DLG2: variants seen among roughly 807,000 people sequenced by gnomAD.
DLG2 encodes the protein disks large homolog 2.
DLG2 carries 45 observed loss-of-function variants against 132.5 expected under a neutral mutation model. The observed-to-expected ratio is 0.34, with a 90% CI of 0.27 to 0.44. The LOEUF (loss-of-function observed/expected upper bound fraction) is 0.44, where lower values mean the gene tolerates loss of function less well. DLG2 is among the 20% of genes least tolerant of loss of function. The pLI is 1.00. For missense variants in DLG2, 1,045 were observed against 1,196.9 expected, an observed-to-expected ratio of 0.87 and a Z score of 1.87; for synonymous variants, 424 against 419.6, an observed-to-expected ratio of 1.01 and a Z score of -0.13.
intron 6 of DLG2, among the ~76,000 whole-genome samples, chr11:85,043,703 T>C (rs530972418): frequency 6.6e-6 from 1 of 152,070 alleles, no homozygotes; most frequent in South Asian, 2.1e-4. Flanking sequence ...AAATTGTTTT[T>C]AATGAAATAC....
intron 21 of DLG2, among the ~76,000 whole-genome samples, chr11:83,507,971 G>A (rs74238644): frequency 1.3e-5 from 2 of 151,320 alleles, no homozygotes; most frequent in Non-Finnish European, 2.9e-5. Flanking sequence ...AGTCTGGGAG[G>A]TTAGGCCAGT....
intron 3 of DLG2, among the ~76,000 whole-genome samples, chr11:85,344,785 C>A (rs1475310715): frequency 6.6e-6 from 1 of 151,754 alleles, no homozygotes; most frequent in Admixed American, 6.6e-5. Context: ...AGTTGGATTT[C>A]CCTTAAACAT....
rs931857574 is a variant in DLG2 at position 83,457,018 on chromosome 11, A to G, written c.*2800T>C. 2.0e-5 allele frequency: 3 copies of G among 152,664 alleles called. No homozygotes were observed. The highest frequency in any genetic ancestry group is 2.9e-5 in the Non-Finnish European group (2 of 68,048). The allele number at this position is 152,664 out of a possible 1,614,324, so 9.5% of individuals were successfully genotyped here. The stretch of plus-strand genomic sequence containing the variant: ...GACAAATGGAATTTTGATTTTGGTA[A>G]AGCTGAGACCCCCGTGGTGCTACAC... On this transcript the variant is annotated 3_prime_UTR_variant, in exon 28 of 28. Coordinates refer to ENST00000376104, the MANE Select transcript of DLG2 (RefSeq NM_001142699.3).
At chr11:85,015,840 T>G (rs929805228) in intron 6 of DLG2, among the ~76,000 whole-genome samples, 7 of 152,130 alleles carry the variant, frequency 4.6e-5, no homozygotes, top group African/African-American at 1.4e-4. Context: ...TAATCTTAAA[T>G]TCAAACTCTT....
chr11:85,266,657 T>C (rs1436162961), intron 4 of DLG2, among the ~76,000 whole-genome samples: 3 of 152,136 alleles, frequency 2.0e-5, no homozygotes, highest in Admixed American at 6.5e-5. Context: ...CCTGCATCAA[T>C]ACAATGCAGT....
chr11:84,335,237 A>C (rs558742768), intron 7 of DLG2, among the ~76,000 whole-genome samples: 44 of 150,304 alleles, frequency 2.9e-4, no homozygotes, highest in African/African-American at 1.1e-3. Context: ...GGAATGAAGG[A>C]AGGGAAGGAA....
intron 22 of DLG2, among the ~76,000 whole-genome samples, chr11:83,477,437 T>G (rs1348210369): frequency 2.0e-5 from 3 of 152,130 alleles, no homozygotes; most frequent in Non-Finnish European, 4.4e-5. Context: ...ATGCTTGAGA[T>G]GATGCAGCAA....
chr11:85,460,890 G>T (rs79060580), intron 3 of DLG2, among the ~76,000 whole-genome samples: 2 of 152,092 alleles, frequency 1.3e-5, no homozygotes, highest in Non-Finnish European at 2.9e-5. Flanking sequence ...CTGTTGGTTA[G>T]GTTTTATTTG....
chr11:83,763,367 T>C (rs1489078890), intron 18 of DLG2, among the ~76,000 whole-genome samples: 1 of 152,192 alleles, frequency 6.6e-6, no homozygotes, highest in African/African-American at 2.4e-5. Flanking sequence ...TCTCATTCTT[T>C]TCTTTATGTC....
chr11:83,710,896 ATC>A (rs2085260870), intron 18 of DLG2, among the ~76,000 whole-genome samples: 3 of 152,206 alleles, frequency 2.0e-5, no homozygotes, highest in Non-Finnish European at 2.9e-5. Flanking sequence ...GCTAGTAACA[ATC>A]ATTTGTAATA....
At chr11:84,063,923 T>G (rs1230319783) in intron 10 of DLG2, among the ~76,000 whole-genome samples, 14 of 121,480 alleles carry the variant, frequency 1.2e-4, no homozygotes, top group African/African-American at 4.3e-4. Flanking sequence ...TGAGAACACA[T>G]GGACACAGGA....
intron 4 of DLG2, among the ~76,000 whole-genome samples, chr11:85,243,033 G>A (rs903860119): frequency 3.9e-5 from 6 of 151,908 alleles, no homozygotes; most frequent in African/African-American, 1.5e-4. Flanking sequence ...AAAAGCAGAG[G>A]AGAATCAAAA....
intron 4 of DLG2, among the ~76,000 whole-genome samples, chr11:85,211,934 A>G (rs932891763): frequency 2.0e-5 from 3 of 152,082 alleles, no homozygotes; most frequent in Admixed American, 1.3e-4. Flanking sequence ...AGGTCTCTAT[A>G]TTTCTTGAAT....
At chr11:85,078,688 G>A (rs2066863194) in intron 6 of DLG2, among the ~76,000 whole-genome samples, 1 of 152,014 alleles carries the variant, frequency 6.6e-6, no homozygotes, top group African/African-American at 2.4e-5. Context: ...ACAGGAGAGA[G>A]AGGAATGGTC....
chr11:84,335,390 A>G (rs2098479728), intron 7 of DLG2, among the ~76,000 whole-genome samples: 1 of 152,026 alleles, frequency 6.6e-6, no homozygotes, highest in African/African-American at 2.4e-5. Flanking sequence ...TAAAAACAAA[A>G]CACAACGACT....
intron 17 of DLG2, among the ~76,000 whole-genome samples, chr11:83,825,136 C>CATATATAT (rs2052211202): frequency 1.2e-5 from 1 of 85,788 alleles, no homozygotes; most frequent in African/African-American, 4.3e-5. Flanking sequence ...TATATATACA[C>CATATATAT]ACACACACAC....
At chr11:84,316,463 T>A (rs541443792) in intron 7 of DLG2, among the ~76,000 whole-genome samples, 5 of 152,288 alleles carry the variant, frequency 3.3e-5, no homozygotes, top group Admixed American at 1.3e-4. Context: ...TAGTTAAAAT[T>A]TATTTTTTCT....
chr11:84,137,434 T>A (rs569696329), intron 9 of DLG2, among the ~76,000 whole-genome samples: 1 of 151,840 alleles, frequency 6.6e-6, no homozygotes, highest in East Asian at 1.9e-4. Context: ...CATGACCAAA[T>A]TTTATGTGTG....
intron 6 of DLG2, among the ~76,000 whole-genome samples, chr11:84,650,442 T>C (rs981791904): frequency 3.3e-5 from 5 of 152,184 alleles, no homozygotes; most frequent in African/African-American, 9.7e-5. Flanking sequence ...ACATCTTAAT[T>C]ACTGAATTGA....
Sources: gnomAD v4.1 joint callset for allele counts (sites outside exome capture counted in the v4.1 genomes callset) on GRCh38, gnomAD v4.1.1 for gene constraint, MANE v1.5 for transcripts, NCBI Gene and HGNC (gene_info 2026-07-23, HGNC 2026-07-21) for gene names.